The following GNA12 variants were observed in gnomAD, a reference collection of about 807,000 sequenced individuals.
The protein encoded by GNA12 is G protein subunit alpha 12.
A neutral mutation model predicts 26.0 loss-of-function variants in GNA12; 9 were observed. The ratio of observed to expected loss-of-function variants is 0.35; its 90% CI spans 0.21 to 0.60. The LOEUF is 0.60. Among genes scored for constraint, GNA12 ranks in the 20% least tolerant of loss-of-function variants. The probability of loss-of-function intolerance (pLI) is 0.78; values close to 1 mark genes in which losing one functional copy is unlikely to be tolerated. For missense variants in GNA12, 405 were observed against 525.8 expected, an observed-to-expected ratio of 0.77 and a Z score of 2.25; for synonymous variants, 264 against 219.6, an observed-to-expected ratio of 1.20 and a Z score of -1.79.
At chr7:2,772,801 G>A (rs1162897266) in intron 2 of GNA12, among the ~76,000 whole-genome samples, 1 of 152,120 alleles carries the variant, frequency 6.6e-6, no homozygotes, top group Admixed American at 6.5e-5. Context: ...ATTTCCAAGA[G>A]AAATCAGTGC....
chr7:2,797,260 G>T (rs778754751), intron 1 of GNA12, among the ~76,000 whole-genome samples: 1 of 152,046 alleles, frequency 6.6e-6, no homozygotes, highest in East Asian at 1.9e-4. Flanking sequence ...ATCCTTGCCC[G>T]TAGCCTCTCA....
At position 2,744,242 on chromosome 7, in the gene GNA12, T is replaced by C. The variant is rs529792266; in HGVS notation, c.526-10741A>G. On this transcript the variant is annotated intron_variant, in intron 2 of 3. Transcript: ENST00000275364. ...GCCTCCTCAAGTGGGTCCCTGACCC[T>C]GAGTAGCCTAACTGGGAGGCACCCC... Among the ~76,000 whole-genome samples the C allele has an allele frequency of 2.0e-5, 3 of 152,294 alleles. No homozygotes were observed. In the South Asian group the frequency reaches 6.2e-4, roughly 32 times the overall value.
rs188233120 is a variant in GNA12, at chr7:2,796,967, T to C, written c.310-1824A>G. Reference sequence around the variant, plus strand: ...GGGGCACACTGCATACTCTCTGGTATGGTCTACACTGGGGGTATACAGAGT... The same window carrying C: ...GGGGCACACTGCATACTCTCTGGTACGGTCTACACTGGGGGTATACAGAGT... On this transcript the variant is annotated intron_variant, in intron 1 of 3. Transcript: ENST00000275364. Among the ~76,000 whole-genome samples the C allele has an allele frequency of 4.8e-3, 726 of 152,284 alleles. 3 individuals carry two copies. The highest frequency in any genetic ancestry group is 0.01 in the Middle Eastern group (3 of 294).
At chr7:2,807,041 AT>A (rs1184696261) in intron 1 of GNA12, among the ~76,000 whole-genome samples, 3 of 152,176 alleles carry the variant, frequency 2.0e-5, no homozygotes, top group South Asian at 2.1e-4. Flanking sequence ...ATTTTCCTTT[AT>A]TTTCCCCCAA....
chr7:2,831,186 G>C (rs1793597395), intron 1 of GNA12, among the ~76,000 whole-genome samples: 1 of 151,200 alleles, frequency 6.6e-6, no homozygotes, highest in Admixed American at 6.6e-5. Context: ...ATTGTGCTAC[G>C]GTCATACCAG....
chr7:2,844,071 C>T lies in GNA12; in HGVS notation c.91G>A (p.Asp31Asn), dbSNP rs1469782889. 18 of 1,103,714 alleles carry T rather than the reference C, an allele frequency of 1.6e-5. No homozygotes were observed. Among genetic ancestry groups the T allele is most frequent in the Non-Finnish European group, 2.0e-5 (18 of 908,938 alleles). The allele number at this position is 1,103,714 out of a possible 1,614,324, so 68.4% of individuals were successfully genotyped here. Reference protein sequence around the residue: ...RERRAGSGARDAEREARRRSR... With the variant: ...RERRAGSGARNAEREARRRSR... The stretch of plus-strand genomic sequence containing the variant: ...CGCCTCCGGGCCTCGCGCTCCGCGT[C>T]GCGCGCGCCGCTGCCCGCCCTGCGC... The change falls in exon 1 of 4, where the codon GAC (aspartate) becomes AAC (asparagine). Residue 31 changes from aspartate to asparagine, a missense_variant. Transcript: ENST00000275364.
At chr7:2,736,100 A>G (rs1188845841) in intron 2 of GNA12, among the ~76,000 whole-genome samples, 1 of 152,204 alleles carries the variant, frequency 6.6e-6, no homozygotes, top group Non-Finnish European at 1.5e-5. Flanking sequence ...TAAAAGGGCC[A>G]GGTTTACAAT....
intron 1 of GNA12, among the ~76,000 whole-genome samples, chr7:2,838,454 C>T (rs1778900633): frequency 6.6e-6 from 1 of 151,962 alleles, no homozygotes; most frequent in African/African-American, 2.4e-5. Context: ...TGTGGTGGTG[C>T]ACATCTGTAG....
intron 1 of GNA12, among the ~76,000 whole-genome samples, chr7:2,807,865 C>A (rs1792986492): frequency 6.6e-6 from 1 of 152,178 alleles, no homozygotes; most frequent in Non-Finnish European, 1.5e-5. Context: ...AGGGGCCAAC[C>A]TTAGGCACAC....
At chr7:2,783,263 G>A (rs1792274541) in intron 2 of GNA12, among the ~76,000 whole-genome samples, 1 of 152,188 alleles carries the variant, frequency 6.6e-6, no homozygotes, top group South Asian at 2.1e-4. Flanking sequence ...AGGCACTTGG[G>A]TATGTTATCT....
At chr7:2,749,925 C>A (rs993575137) in intron 2 of GNA12, among the ~76,000 whole-genome samples, 4 of 152,012 alleles carry the variant, frequency 2.6e-5, no homozygotes, top group Non-Finnish European at 4.4e-5. Flanking sequence ...TCCTAAAGGC[C>A]TAATACACAA....
chr7:2,814,455 G>A, intron 1 of GNA12: 1 of 956,474 alleles, frequency 1.0e-6, no homozygotes, highest in Non-Finnish European at 1.7e-6. Context: ...TCAGAATAAA[G>A]CCCTGCTCAA....
At chr7:2,814,919 T>C in intron 1 of GNA12, 8 of 1,595,776 alleles carry the variant, frequency 5.0e-6, no homozygotes, top group Middle Eastern at 1.7e-4. Flanking sequence ...TGGGAAACAT[T>C]CTCCGTTTCA....
intron 1 of GNA12, chr7:2,835,697 T>C (rs1778818397): frequency 7.6e-6 from 8 of 1,054,668 alleles, no homozygotes; most frequent in South Asian, 3.8e-5. Context: ...ATAAACAAAT[T>C]TGCATGGAAT....
intron 2 of GNA12, among the ~76,000 whole-genome samples, chr7:2,794,061 G>A (rs1792587994): frequency 6.6e-6 from 1 of 152,126 alleles, no homozygotes; most frequent in Non-Finnish European, 1.5e-5. Flanking sequence ...ATTCCAACAT[G>A]TGGAGTGAAA....
chr7:2,743,736 C>G (rs972575128), intron 2 of GNA12, among the ~76,000 whole-genome samples: 1 of 152,178 alleles, frequency 6.6e-6, no homozygotes, highest in Non-Finnish European at 1.5e-5. Context: ...CTGCCTCACT[C>G]GGGAAGCGCA....
intron 1 of GNA12, among the ~76,000 whole-genome samples, chr7:2,829,508 G>A (rs1244930340): frequency 1.3e-5 from 2 of 152,160 alleles, no homozygotes; most frequent in Admixed American, 6.5e-5. Context: ...GATCTATGAC[G>A]ATGCTGAGTT....
chr7:2,815,905 G>A (rs1304585019), intron 1 of GNA12, among the ~76,000 whole-genome samples: 4 of 152,244 alleles, frequency 2.6e-5, no homozygotes, highest in Non-Finnish European at 5.9e-5. Context: ...GAAAATAAGG[G>A]AGATAGTTTT....
intron 1 of GNA12, among the ~76,000 whole-genome samples, chr7:2,815,830 G>C (rs1205871468): frequency 6.6e-6 from 1 of 152,130 alleles, no homozygotes; most frequent in Non-Finnish European, 1.5e-5. Flanking sequence ...TCCAATCCCA[G>C]AGACATTTCC....
Sources: gnomAD v4.1 joint callset for allele counts (sites outside exome capture counted in the v4.1 genomes callset) on GRCh38, gnomAD v4.1.1 for gene constraint, MANE v1.5 for transcripts, NCBI Gene and HGNC (gene_info 2026-07-23, HGNC 2026-07-21) for gene names.